RIMS1: variants seen among roughly 807,000 people sequenced by gnomAD.
RIMS1 encodes regulating synaptic membrane exocytosis 1, also known as regulating synaptic membrane exocytosis protein 1.
RIMS1 carries 83 observed loss-of-function variants against 214.1 expected under a neutral mutation model. The ratio of observed to expected loss-of-function variants is 0.39; its 90% CI spans 0.32 to 0.47. The LOEUF (loss-of-function observed/expected upper bound fraction) is 0.47. Ranked by LOEUF, RIMS1 falls within the 20% of genes least tolerant of loss-of-function variation. RIMS1 has a pLI of 0.99. For synonymous variants in RIMS1, 793 were observed against 786.8 expected, an observed-to-expected ratio of 1.01 and a Z score of -0.13; for missense variants, 2,050 against 2,161.8, an observed-to-expected ratio of 0.95 and a Z score of 1.03.
intron 29 of RIMS1, among the ~76,000 whole-genome samples, chr6:72,337,096 G>T (rs2154347751): frequency 6.6e-6 from 1 of 151,834 alleles, no homozygotes; most frequent in East Asian, 1.9e-4. Flanking sequence ...GATAGAAAGG[G>T]TATGACGTAG....
intron 1 of RIMS1, among the ~76,000 whole-genome samples, chr6:71,920,683 A>G (rs1349562712): frequency 2.6e-5 from 4 of 152,202 alleles, no homozygotes; most frequent in African/African-American, 4.8e-5. Context: ...AAATTTTCCT[A>G]TAAGTCACCT....
chr6:71,947,734 G>A (rs899596063), intron 1 of RIMS1, among the ~76,000 whole-genome samples: 3 of 151,984 alleles, frequency 2.0e-5, no homozygotes, highest in African/African-American at 7.2e-5. Context: ...TTTAGGAAAG[G>A]CATATAGTTT....
At chr6:72,071,448 G>C (rs542370741) in intron 2 of RIMS1, among the ~76,000 whole-genome samples, 157 of 152,094 alleles carry the variant, frequency 1.0e-3, no homozygotes, top group Non-Finnish European at 1.7e-3. Context: ...CAGTAAGTTA[G>C]ATAAGATAGT....
intron 30 of RIMS1, among the ~76,000 whole-genome samples, chr6:72,391,358 T>C (rs1186858941): frequency 1.3e-5 from 2 of 151,516 alleles, no homozygotes; most frequent in Admixed American, 1.3e-4. Context: ...TTTTCTTTTT[T>C]TTTTTTTTTT....
chr6:71,929,412 A>C (rs553813259), intron 1 of RIMS1, among the ~76,000 whole-genome samples: 1 of 152,174 alleles, frequency 6.6e-6, no homozygotes, highest in East Asian at 1.9e-4. Context: ...AACAAAGTAC[A>C]TTTTATTTGG....
chr6:71,933,683 C>CACAA (rs984793194), intron 1 of RIMS1, among the ~76,000 whole-genome samples: 1 of 8,512 alleles, frequency 1.2e-4, no homozygotes, highest in Non-Finnish European at 2.5e-4. Context: ...CTTCCTCAAT[C>CACAA]ACACACACAC....
At chr6:72,072,245 C>G (rs1411949532) in intron 2 of RIMS1, among the ~76,000 whole-genome samples, 1 of 152,130 alleles carries the variant, frequency 6.6e-6, no homozygotes, top group Non-Finnish European at 1.5e-5. Context: ...TTTTAATATT[C>G]ATTGAGCATT....
At chr6:71,987,678 A>G (rs1042996419) in intron 2 of RIMS1, among the ~76,000 whole-genome samples, 3 of 152,206 alleles carry the variant, frequency 2.0e-5, no homozygotes, top group African/African-American at 7.2e-5. Flanking sequence ...ACACAATATC[A>G]TTATCAATCC....
intron 4 of RIMS1, among the ~76,000 whole-genome samples, chr6:72,168,007 G>T (rs1347748846): frequency 6.6e-6 from 1 of 151,836 alleles, no homozygotes; most frequent in African/African-American, 2.4e-5. Context: ...TCTGGAAATG[G>T]TATGGATAAT....
At chr6:71,936,758 G>A (rs572037086) in intron 1 of RIMS1, among the ~76,000 whole-genome samples, 1 of 152,284 alleles carries the variant, frequency 6.6e-6, no homozygotes, top group Admixed American at 6.5e-5. Flanking sequence ...ATCCAGTGCC[G>A]CATCCGTTTT....
intron 4 of RIMS1, among the ~76,000 whole-genome samples, chr6:72,104,730 A>G (rs1036538659): frequency 2.4e-4 from 37 of 152,200 alleles, no homozygotes; most frequent in African/African-American, 8.9e-4. Context: ...AGTTTCTCTA[A>G]CAGATGTTTC....
intron 2 of RIMS1, among the ~76,000 whole-genome samples, chr6:72,085,828 G>A (rs960405909): frequency 8.5e-5 from 13 of 152,166 alleles, no homozygotes; most frequent in African/African-American, 2.4e-4. Flanking sequence ...ATAACTTTCC[G>A]TTCCTTTAGC....
chr6:72,177,756 C>T (rs1319458767), intron 4 of RIMS1, among the ~76,000 whole-genome samples: 8 of 152,192 alleles, frequency 5.3e-5, no homozygotes, highest in East Asian at 1.9e-4. Flanking sequence ...CCACCACACA[C>T]GTCCTGTCCC....
intron 4 of RIMS1, among the ~76,000 whole-genome samples, chr6:72,118,556 A>C (rs2037558983): frequency 6.6e-6 from 1 of 151,834 alleles, no homozygotes; most frequent in Non-Finnish European, 1.5e-5. Flanking sequence ...CCTGATGAAC[A>C]TAGATGCAAA....
At chr6:72,395,724 A>G (rs1420042089) in intron 31 of RIMS1, among the ~76,000 whole-genome samples, 3 of 152,044 alleles carry the variant, frequency 2.0e-5, no homozygotes, top group African/African-American at 7.2e-5. Flanking sequence ...GCCATTGAAA[A>G]TATAATGGTT....
chr6:72,312,415 T>G (rs1373487437), intron 27 of RIMS1, among the ~76,000 whole-genome samples: 1 of 151,886 alleles, frequency 6.6e-6, no homozygotes, highest in East Asian at 1.9e-4. Context: ...TTATTACAAT[T>G]ATAACATATA....
At chr6:71,912,603 C>T (rs913775467) in intron 1 of RIMS1, among the ~76,000 whole-genome samples, 1 of 151,938 alleles carries the variant, frequency 6.6e-6, no homozygotes, top group Non-Finnish European at 1.5e-5. Context: ...AGCAGTGACT[C>T]GTTGCAATGA....
rs115847059 is a variant in RIMS1 at position 71,917,325 on chromosome 6, T to C, written c.164+30138T>C. On this transcript the variant is annotated intron_variant, in intron 1 of 33. Transcript: ENST00000521978. ...GGAGCTGCTGTTTCAGGTAGGATTG[T>C]CAGGAAAGCCTTCCCTGAGAACAGG... Among the ~76,000 whole-genome samples the C allele has an allele frequency of 4.3e-3, 654 of 152,234 alleles. 3 individuals are homozygous for C. The highest frequency in any genetic ancestry group is 0.015 in the African/African-American group (620 of 41,544).
At chr6:72,218,972 G>C (rs975910026) in intron 6 of RIMS1, among the ~76,000 whole-genome samples, 30 of 152,254 alleles carry the variant, frequency 2.0e-4, no homozygotes, top group African/African-American at 6.7e-4. Context: ...AGATCTTCAA[G>C]GAGAATAGAT....
Sources: gnomAD v4.1 joint callset for allele counts (sites outside exome capture counted in the v4.1 genomes callset) on GRCh38, gnomAD v4.1.1 for gene constraint, MANE v1.5 for transcripts, NCBI Gene and HGNC (gene_info 2026-07-23, HGNC 2026-07-21) for gene names.